Variants in ZDHHC12 observed in about 807,000 individuals in gnomAD.
The protein encoded by ZDHHC12 is zDHHC palmitoyltransferase 12, also known as palmitoyltransferase ZDHHC12.
ZDHHC12 carries 26 observed loss-of-function variants against 33.2 expected under a neutral mutation model. That is an observed-to-expected ratio of 0.78 (90% CI 0.57 to 1.09). The LOEUF (loss-of-function observed/expected upper bound fraction) is 1.09. ZDHHC12 is among the 50% of genes least tolerant of loss of function. The probability of loss-of-function intolerance (pLI) is 0.00; values close to 1 mark genes in which losing one functional copy is unlikely to be tolerated. For missense variants in ZDHHC12, 350 were observed against 353.0 expected (o/e 0.99, Z 0.07); for synonymous variants, 154 against 152.1 (o/e 1.01, Z -0.09).
chr9:128,721,941 G>A lies in ZDHHC12; in HGVS notation c.315+68C>T, dbSNP rs1277956113. The A allele has an allele frequency of 6.2e-7, 1 of 1,610,674 alleles. No individual in the cohort carries two copies. The highest frequency in any genetic ancestry group is 8.5e-7 in the Non-Finnish European group (1 of 1,177,774). On this transcript the variant is annotated intron_variant, in intron 3 of 4. Coordinates refer to ENST00000372663, the MANE Select transcript of ZDHHC12 (RefSeq NM_032799.5). This position sits in a 1 kb window ranked among gnomAD's most constrained non-coding sequence, Gnocchi z 6.9. ...AGGAGGGGCGAGGCCCAGGCAGTGG[G>A]GCAGGAGGAGGTCGAGGAGTCTCAG...
chr9:128,724,084 A>G lies in ZDHHC12; in HGVS notation c.10T>C (p.Trp4Arg). MAP[W>R]ALLSPGVLVR... ...AGGACCCCAGGGCTGAGGAGCGCCCAGGGCGCCATCGCCTCGGCCCGGGGC... is the reference window on the plus strand; with the variant it reads ...AGGACCCCAGGGCTGAGGAGCGCCCGGGGCGCCATCGCCTCGGCCCGGGGC... Residue 4 changes from tryptophan (W) to arginine (R), a missense_variant, in exon 1 of 5, where the codon TGG (tryptophan) becomes CGG (arginine). Trp to Arg is a moderately radical substitution (Grantham distance 101). Coordinates refer to ENST00000372663, the MANE Select transcript of ZDHHC12 (RefSeq NM_032799.5). The G allele has an allele frequency of 6.3e-7, 1 of 1,584,864 alleles. No homozygotes were observed. Among genetic ancestry groups the G allele is most frequent in the Non-Finnish European group, 8.6e-7 (1 of 1,162,308 alleles).
chr9:128,721,890 G>T lies in ZDHHC12; in HGVS notation c.316-73C>A, dbSNP rs1047151505. On this transcript the variant is annotated intron_variant, in intron 3 of 4. Coordinates refer to ENST00000372663, the MANE Select transcript of ZDHHC12 (RefSeq NM_032799.5). The surrounding 1 kb of genome is among the most constrained non-coding windows in gnomAD (Gnocchi z 6.9). ...GCCCACCACTGAGGGAAGGAATCAG[G>T]GCCTGATTCTGGAAGGCCTTCTTGG... 3 of 1,601,534 alleles carry T rather than the reference G, an allele frequency of 1.9e-6. No homozygotes were observed. Among genetic ancestry groups the T allele is most frequent in the African/African-American group, 2.7e-5 (2 of 74,854 alleles).
Position 128,721,989 on chromosome 9 carries a change from G to A in ZDHHC12, c.315+20C>T. Reference sequence around the variant, plus strand: ...CAGCTTTGGCCCAACCTCTCCCACGGGTGTCCGTGCATCACTCACCAGCAC... The same window carrying A: ...CAGCTTTGGCCCAACCTCTCCCACGAGTGTCCGTGCATCACTCACCAGCAC... On this transcript the variant is annotated intron_variant, in intron 3 of 4. Coordinates refer to ENST00000372663, the MANE Select transcript of ZDHHC12 (RefSeq NM_032799.5). This position sits in a 1 kb window ranked among gnomAD's most constrained non-coding sequence, Gnocchi z 6.9. 5 of 1,613,936 alleles carry A rather than the reference G, an allele frequency of 3.1e-6. No individual in the cohort carries two copies. Among genetic ancestry groups the A allele is most frequent in the Non-Finnish European group, 4.2e-6 (5 of 1,179,972 alleles).
At position 128,723,573 on chromosome 9, in the gene ZDHHC12, T is replaced by G; in HGVS notation, c.100+421A>C. ...CCTGGACTTGGGCAGCTAGTGGCCA[T>G]GGGGGTGTGGGGGGTGTGGGTGTGG... On this transcript the variant is annotated intron_variant, in intron 1 of 4. Coordinates refer to ENST00000372663, the MANE Select transcript of ZDHHC12 (RefSeq NM_032799.5). This position sits in a 1 kb window ranked among gnomAD's most constrained non-coding sequence, Gnocchi z 4.4. 1.9e-4 allele frequency: 50 copies of G among 263,978 alleles called. No individual in the cohort carries two copies. The highest frequency in any genetic ancestry group is 2.2e-4 in the Non-Finnish European group (31 of 138,750). 16.4% of individuals were successfully genotyped at this position (263,978 alleles called of 1,614,324 possible).
Position 128,722,597 on chromosome 9 carries a change from T to A in ZDHHC12, c.101-23A>T. 1 of 1,587,558 alleles carries A rather than the reference T, an allele frequency of 6.3e-7. No homozygotes were observed. Among genetic ancestry groups the A allele is most frequent in the East Asian group, 2.3e-5 (1 of 43,816 alleles). On this transcript the variant is annotated intron_variant, in intron 1 of 4. Transcript: ENST00000372663. The surrounding 1 kb of genome is among the most constrained non-coding windows in gnomAD (Gnocchi z 4.2). The stretch of plus-strand genomic sequence containing the variant: ...GCTCTGGAGAGGCCGGAGAGCACAG[T>A]GAGGCTGGGCCGGGTAGAACAGGAG...
chr9:128,721,098 C>A lies in ZDHHC12; in HGVS notation c.*83G>T. On this transcript the variant is annotated 3_prime_UTR_variant, in exon 5 of 5. Coordinates refer to ENST00000372663, the MANE Select transcript of ZDHHC12 (RefSeq NM_032799.5). This position sits in a 1 kb window ranked among gnomAD's most constrained non-coding sequence, Gnocchi z 6.9. ...GGAGGCGTGGGCAGGAGTGAGGGCC[C>A]CAGGCCCTCTGAGCGCTCACCCCAG... The A allele has an allele frequency of 1.5e-6, 2 of 1,364,260 alleles. No homozygotes were observed. The highest frequency in any genetic ancestry group is 1.9e-6 in the Non-Finnish European group (2 of 1,031,912). 84.5% of individuals were successfully genotyped at this position (1,364,260 alleles called of 1,614,324 possible).
Position 128,720,992 on chromosome 9 carries a change from T to C in ZDHHC12, c.*189A>G, listed in dbSNP as rs928997041. 5 of 682,436 alleles carry C rather than the reference T, an allele frequency of 7.3e-6. No homozygotes were observed. Among genetic ancestry groups the C allele is most frequent in the Non-Finnish European group, 1.2e-5 (5 of 421,820 alleles). The allele number at this position is 682,436 out of a possible 1,614,324, so 42.3% of individuals were successfully genotyped here. A position where few individuals can be genotyped will look rare whatever the true frequency, so the allele number is the denominator to read the frequency against. ...GGGCCTGAGCCACCCACAGGTCCTT[T>C]TCTTCCCCTTCTTCCTTGGAAGGCA... On this transcript the variant is annotated 3_prime_UTR_variant, in exon 5 of 5. Coordinates refer to ENST00000372663, the MANE Select transcript of ZDHHC12 (RefSeq NM_032799.5). The surrounding 1 kb of genome is among the most constrained non-coding windows in gnomAD (Gnocchi z 5.5).
rs1378033852 is a variant in ZDHHC12 at position 128,721,103 on chromosome 9, C to T, written c.*78G>A. The stretch of plus-strand genomic sequence containing the variant: ...CGTGGGCAGGAGTGAGGGCCCCAGG[C>T]CCTCTGAGCGCTCACCCCAGCTGGG... On this transcript the variant is annotated 3_prime_UTR_variant, in exon 5 of 5. Coordinates refer to ENST00000372663, the MANE Select transcript of ZDHHC12 (RefSeq NM_032799.5). This position sits in a 1 kb window ranked among gnomAD's most constrained non-coding sequence, Gnocchi z 6.9. 5.0e-6 allele frequency: 7 copies of T among 1,399,766 alleles called. No individual in the cohort carries two copies. In the South Asian group the frequency reaches 7.4e-5, roughly 15 times the overall value. 86.7% of individuals were successfully genotyped at this position (1,399,766 alleles called of 1,614,324 possible).
In ZDHHC12 at chr9:128,722,834, C is replaced by G; in HGVS notation, c.101-260G>C. On this transcript the variant is annotated intron_variant, in intron 1 of 4. Coordinates refer to ENST00000372663, the MANE Select transcript of ZDHHC12 (RefSeq NM_032799.5). The surrounding 1 kb of genome is among the most constrained non-coding windows in gnomAD (Gnocchi z 4.2). ...AAATGGATCAGGGGAAGCCTGGGGG[C>G]AGAGAATCTGGCCAGGAGGAAGAAG... is the stretch of plus-strand genomic sequence containing the variant. 8.3e-7 allele frequency: 1 copy of G among 1,203,958 alleles called. No homozygotes were observed. The allele number at this position is 1,203,958 out of a possible 1,614,324, so 74.6% of individuals were successfully genotyped here.
Position 128,722,530 on chromosome 9 carries a change from TG to T in ZDHHC12, c.144del (p.Thr49ProfsTer24). 6.3e-7 allele frequency: 1 copy of T among 1,589,672 alleles called. No homozygotes were observed. Among genetic ancestry groups the T allele is most frequent in the Non-Finnish European group, 8.6e-7 (1 of 1,167,974 alleles). On this transcript the variant is annotated frameshift_variant, in exon 2 of 5. Coordinates refer to ENST00000372663, the MANE Select transcript of ZDHHC12 (RefSeq NM_032799.5). LOFTEE classifies it high-confidence loss of function. The surrounding 1 kb of genome is among the most constrained non-coding windows in gnomAD (Gnocchi z 4.2). ...GAGCCCAGCACCAGGAGCAGGAAGG[TG>T]AGGGGCAGGAGCAGCTCCCCCTGCT... is the stretch of plus-strand genomic sequence containing the variant. The part of the protein sequence containing the change: ...WEEQGELLLP[L>X]TFLLLVLGSL...
rs1862561124 is a variant in ZDHHC12, at chr9:128,721,677, C to T, written c.456G>A (p.Val152=). 3 of 1,613,860 alleles carry T rather than the reference C, an allele frequency of 1.9e-6. No individual in the cohort carries two copies. The highest frequency in any genetic ancestry group is 1.1e-5 in the South Asian group (1 of 91,088). Residue 152 remains valine, a synonymous_variant, in exon 4 of 5, where the codon GTG becomes GTA. Coordinates refer to ENST00000372663, the MANE Select transcript of ZDHHC12 (RefSeq NM_032799.5). This position sits in a 1 kb window ranked among gnomAD's most constrained non-coding sequence, Gnocchi z 6.9. The part of the protein sequence containing the change: ...FVVYLALQLV[V]LLWGLYLAWS... ...ATGCCAGGTACAGGCCCCACAGAAGCACCACCAGCTGCAGCGCCAGGTAGA... is the reference window on the plus strand; with the variant it reads ...ATGCCAGGTACAGGCCCCACAGAAGTACCACCAGCTGCAGCGCCAGGTAGA...
rs1434629075 is a variant in ZDHHC12, at chr9:128,723,690, C to T, written c.100+304G>A. On this transcript the variant is annotated intron_variant, in intron 1 of 4. Transcript: ENST00000372663. The surrounding 1 kb of genome is among the most constrained non-coding windows in gnomAD (Gnocchi z 4.4). Reference sequence around the variant, plus strand: ...TTCCTGGGAAGGATCATGTGGGTCCCAGGATCAGGGGACATGGGGCTCAAG... The same window carrying T: ...TTCCTGGGAAGGATCATGTGGGTCCTAGGATCAGGGGACATGGGGCTCAAG... 5 of 468,460 alleles carry T rather than the reference C, an allele frequency of 1.1e-5. No homozygotes were observed. The highest frequency in any genetic ancestry group is 3.8e-5 in the Admixed American group (1 of 26,294). The allele number at this position is 468,460 out of a possible 1,614,324, so 29.0% of individuals were successfully genotyped here.
Position 128,723,995 on chromosome 9 carries a change from G to A in ZDHHC12, c.99C>T (p.Thr33=). The change falls in exon 1 of 5, where the codon ACC becomes ACT. Residue 33 remains threonine, a splice_region_variant and synonymous_variant. Coordinates refer to ENST00000372663, the MANE Select transcript of ZDHHC12 (RefSeq NM_032799.5). The surrounding 1 kb of genome is among the most constrained non-coding windows in gnomAD (Gnocchi z 4.4). ...GITLVLFLHD[T]ELRQWEEQGE... ...GGGGTCGCTCGGGGTCCGGCTCACC[G>A]GTATCGTGCAGGAAGAGCACCAGCG... is the stretch of plus-strand genomic sequence containing the variant. The A allele has an allele frequency of 6.2e-7, 1 of 1,612,028 alleles. No homozygotes were observed. The highest frequency in any genetic ancestry group is 1.3e-5 in the African/African-American group (1 of 74,940).
rs1008452208 is a variant in ZDHHC12 at position 128,723,857 on chromosome 9, A to G, written c.100+137T>C. ...GTGGCTCTTGGAATGATAGATGGGG[A>G]GAGGGCTTCAGGAGCTGGTGGAGAT... On this transcript the variant is annotated intron_variant, in intron 1 of 4. Coordinates refer to ENST00000372663, the MANE Select transcript of ZDHHC12 (RefSeq NM_032799.5). The surrounding 1 kb of genome is among the most constrained non-coding windows in gnomAD (Gnocchi z 4.4). 28 of 1,316,678 alleles carry G rather than the reference A, an allele frequency of 2.1e-5. No individual in the cohort carries two copies. In the African/African-American group the frequency reaches 3.8e-4, roughly 18 times the overall value. The allele number at this position is 1,316,678 out of a possible 1,614,324, so 81.6% of individuals were successfully genotyped here.
chr9:128,721,564 T>G lies in ZDHHC12; in HGVS notation c.483-62A>C. The G allele has an allele frequency of 6.3e-7, 1 of 1,588,508 alleles. No homozygotes were observed. Among genetic ancestry groups the G allele is most frequent in the Non-Finnish European group, 8.6e-7 (1 of 1,164,684 alleles). On this transcript the variant is annotated intron_variant, in intron 4 of 4. Transcript: ENST00000372663. The surrounding 1 kb of genome is among the most constrained non-coding windows in gnomAD (Gnocchi z 6.9). ...GGGCAGGGGAGCCCTTCCCTCCCCA[T>G]GCCGGGTCCCTGGGAGTCCTGGCTC...
At position 128,721,099 on chromosome 9, in the gene ZDHHC12, C is replaced by T. The variant is rs184427187; in HGVS notation, c.*82G>A. 278 of 1,367,300 alleles carry T rather than the reference C, an allele frequency of 2.0e-4. 2 individuals are homozygous for T. In the African/African-American group the frequency reaches 3.8e-3, roughly 19 times the overall value. 84.7% of individuals were successfully genotyped at this position (1,367,300 alleles called of 1,614,324 possible). ...GAGGCGTGGGCAGGAGTGAGGGCCC[C>T]AGGCCCTCTGAGCGCTCACCCCAGC... On this transcript the variant is annotated 3_prime_UTR_variant, in exon 5 of 5. Transcript: ENST00000372663. This position sits in a 1 kb window ranked among gnomAD's most constrained non-coding sequence, Gnocchi z 6.9.
At position 128,722,979 on chromosome 9, in the gene ZDHHC12, T is replaced by C; in HGVS notation, c.101-405A>G. ...AGAGGGAAGAGGGGTCCAGCGTCTC[T>C]GGCTCTGCAATGGTGAGAGACTGGT... On this transcript the variant is annotated intron_variant, in intron 1 of 4. Coordinates refer to ENST00000372663, the MANE Select transcript of ZDHHC12 (RefSeq NM_032799.5). The surrounding 1 kb of genome is among the most constrained non-coding windows in gnomAD (Gnocchi z 4.2). 4.4e-6 allele frequency: 1 copy of C among 229,626 alleles called. No individual in the cohort carries two copies. Among genetic ancestry groups the C allele is most frequent in the Non-Finnish European group, 8.5e-6 (1 of 117,054 alleles). The allele number at this position is 229,626 out of a possible 1,614,324, so 14.2% of individuals were successfully genotyped here. A position where few individuals can be genotyped will look rare whatever the true frequency, so the allele number is the denominator to read the frequency against.
At position 128,722,144 on chromosome 9, in the gene ZDHHC12, G is replaced by A. The variant is rs928224853; in HGVS notation, c.238-58C>T. The A allele has an allele frequency of 3.1e-5, 49 of 1,601,542 alleles. No individual in the cohort carries two copies. Among genetic ancestry groups the A allele is most frequent in the Non-Finnish European group, 3.7e-5 (43 of 1,169,422 alleles). On this transcript the variant is annotated intron_variant, in intron 2 of 4. Transcript: ENST00000372663. The surrounding 1 kb of genome is among the most constrained non-coding windows in gnomAD (Gnocchi z 4.2). ...CCCTTGGGAGACAGATGGCATTGGC[G>A]GGCAGCTCCCCTAGGGGCCGGCTTA...
chr9:128,721,954 C>A lies in ZDHHC12; in HGVS notation c.315+55G>T. 2 of 1,612,116 alleles carry A rather than the reference C, an allele frequency of 1.2e-6. No individual in the cohort carries two copies. Among genetic ancestry groups the A allele is most frequent in the South Asian group, 2.2e-5 (2 of 90,968 alleles). On this transcript the variant is annotated intron_variant, in intron 3 of 4. Coordinates refer to ENST00000372663, the MANE Select transcript of ZDHHC12 (RefSeq NM_032799.5). This position sits in a 1 kb window ranked among gnomAD's most constrained non-coding sequence, Gnocchi z 6.9. ...CCCAGGCAGTGGGGCAGGAGGAGGT[C>A]GAGGAGTCTCAGCTTTGGCCCAACC... is the stretch of plus-strand genomic sequence containing the variant.
Sources: gnomAD v4.1 joint callset for allele counts on GRCh38, gnomAD v4.1.1 for gene constraint, Gnocchi (gnomAD v3.1) non-coding constraint, MANE v1.5 for transcripts, NCBI Gene and HGNC (gene_info 2026-07-23, HGNC 2026-07-21) for gene names.